The following CCDC198 variants were observed in gnomAD, a reference collection of about 807,000 sequenced individuals.
The protein encoded by CCDC198 is factor associated with metabolism and energy.
Under a neutral mutation model 35.6 loss-of-function variants are expected in CCDC198, and 18 were observed. The observed-to-expected ratio is 0.51, with a 90% confidence interval of 0.35 to 0.75. CCDC198 has a LOEUF of 0.75. Ranked by LOEUF, CCDC198 falls within the 30% of genes least tolerant of loss-of-function variation. The probability of loss-of-function intolerance (pLI) is 0.01; values close to 1 mark genes in which losing one functional copy is unlikely to be tolerated. For synonymous variants in CCDC198, 119 were observed against 113.4 expected (o/e 1.05, Z -0.31); for missense variants, 365 against 343.7 (o/e 1.06, Z -0.49).
chr14:57,493,709 G>A lies in CCDC198; in HGVS notation c.7C>T (p.Leu3=), dbSNP rs1336230525. 1 of 1,611,700 alleles carries A rather than the reference G, an allele frequency of 6.2e-7. No individual in the cohort carries two copies. Among genetic ancestry groups the A allele is most frequent in the South Asian group, 1.1e-5 (1 of 90,894 alleles). Residue 3 remains leucine (L), a synonymous_variant, in exon 1 of 6, where the codon CTG becomes TTG. Transcript: ENST00000216445. MG[L]SHSKTHLRVI... Reference sequence around the variant, plus strand: ...CTAAGGTGAGTCTTAGAGTGACTCAGGCCCATTTCATGTGAAAGACATTCA... The same window carrying A: ...CTAAGGTGAGTCTTAGAGTGACTCAAGCCCATTTCATGTGAAAGACATTCA...
intron 5 of CCDC198, among the ~76,000 whole-genome samples, chr14:57,472,914 G>T (rs1164442151): frequency 6.6e-6 from 1 of 152,132 alleles, no homozygotes; most frequent in Non-Finnish European, 1.5e-5. Context: ...TGGTTGAAAC[G>T]ACCATAACTT....
chr14:57,490,476 A>G (rs1317826684), intron 2 of CCDC198, among the ~76,000 whole-genome samples: 1 of 152,188 alleles, frequency 6.6e-6, no homozygotes, highest in Non-Finnish European at 1.5e-5. Context: ...GACAGTTAAG[A>G]GTACAGACTT....
At chr14:57,478,849 C>G in intron 5 of CCDC198, 1 of 1,140,698 alleles carries the variant, frequency 8.8e-7, no homozygotes, top group Non-Finnish European at 1.1e-6. Flanking sequence ...CAAGTAGGAG[C>G]AGTGTCTCTT....
At chr14:57,479,004 A>G in intron 5 of CCDC198, 1 of 1,289,326 alleles carries the variant, frequency 7.8e-7, no homozygotes, top group Non-Finnish European at 1.0e-6. Context: ...ACAATATTGG[A>G]AATTTCAACT....
chr14:57,483,279 G>A, intron 2 of CCDC198, 128 bp from the exon 3 acceptor site: 1 of 1,397,882 alleles, frequency 7.2e-7, no homozygotes, highest in Non-Finnish European at 9.8e-7. Flanking sequence ...ATACAGGAAA[G>A]GTGATTCTAA....
chr14:57,489,636 A>G (rs1217529451), intron 2 of CCDC198, among the ~76,000 whole-genome samples: 2 of 152,088 alleles, frequency 1.3e-5, no homozygotes, highest in Non-Finnish European at 1.5e-5. Flanking sequence ...GTGGTGGTGC[A>G]GTGTTTGACT....
At chr14:57,480,906 G>C (rs898352168) in intron 4 of CCDC198, 152 bp from the exon 5 acceptor site, 9 of 752,960 alleles carry the variant, frequency 1.2e-5, no homozygotes, top group East Asian at 1.0e-4. Context: ...CCTATTAGAA[G>C]GTATGGGAAC....
Position 57,471,557 on chromosome 14 carries a change from T to C in CCDC198, c.689A>G (p.Gln230Arg), listed in dbSNP as rs757423243. ...CCAGGGACAGTAGTTATTCACTGCT[T>C]GATGTTTCAAAAATTCTGTATTCTT... ...NSKNTEFLKH[Q>R]AVNNYCPWKI... Residue 230 changes from glutamine to arginine, a missense_variant, in exon 6 of 6, where the codon CAA becomes CGA. Coordinates refer to ENST00000216445, the MANE Select transcript of CCDC198 (RefSeq NM_018168.4). 3 of 1,600,108 alleles carry C rather than the reference T, an allele frequency of 1.9e-6. No individual in the cohort carries two copies. The highest frequency in any genetic ancestry group is 8.5e-7 in the Non-Finnish European group (1 of 1,173,628).
chr14:57,474,904 T>C (rs2139467859), intron 5 of CCDC198, among the ~76,000 whole-genome samples: 1 of 152,362 alleles, frequency 6.6e-6, no homozygotes, highest in African/African-American at 2.4e-5. Context: ...GTGTATTTTA[T>C]GTGTTTCAGA....
At chr14:57,491,104 C>G in intron 1 of CCDC198, 33 bp from the exon 2 acceptor site, 2 of 1,596,650 alleles carry the variant, frequency 1.3e-6, no homozygotes, top group Non-Finnish European at 1.7e-6. Context: ...AGGAATAAAA[C>G]ATTAAATATA....
intron 1 of CCDC198, among the ~76,000 whole-genome samples, chr14:57,491,513 A>G (rs1200700169): frequency 6.6e-6 from 1 of 152,154 alleles, no homozygotes; most frequent in Non-Finnish European, 1.5e-5. Context: ...TGATAGATAG[A>G]TAGGTGATTA....
intron 3 of CCDC198, 40 bp downstream of exon 3, chr14:57,483,025 C>A (rs2067239253): frequency 6.2e-7 from 1 of 1,613,378 alleles, no homozygotes; most frequent in Non-Finnish European, 8.5e-7. Context: ...TGTCGCCCAC[C>A]CCCAGTTCAC....
At chr14:57,473,479 C>A (rs1156833534) in intron 5 of CCDC198, among the ~76,000 whole-genome samples, 1 of 152,180 alleles carries the variant, frequency 6.6e-6, no homozygotes, top group Non-Finnish European at 1.5e-5. Flanking sequence ...CAGGAATCTA[C>A]CTGGCCTCCT....
At position 57,474,232 on chromosome 14, in the gene CCDC198, A is replaced by G. The variant is rs530988897; in HGVS notation, c.656-2642T>C. On this transcript the variant is annotated intron_variant, in intron 5 of 5. Transcript: ENST00000216445. ...GAACAAATAGATGAATAAATGAATA[A>G]ACAAATGAGCAATCAGAGAATTTTG... 5.3e-5 allele frequency among the ~76,000 whole-genome samples: 8 copies of G among 152,356 alleles called. 1 individual carries two copies. The highest frequency in any genetic ancestry group is 1.9e-4 in the African/African-American group (8 of 41,580).
At chr14:57,485,053 A>C (rs1335411986) in intron 2 of CCDC198, among the ~76,000 whole-genome samples, 1 of 152,210 alleles carries the variant, frequency 6.6e-6, no homozygotes, top group Non-Finnish European at 1.5e-5. Context: ...ATACCCTGTG[A>C]TGGGCAATCC....
In CCDC198 at chr14:57,493,721, G is replaced by T. The variant is rs747430586; in HGVS notation, c.-6C>A. 1 of 1,609,138 alleles carries T rather than the reference G, an allele frequency of 6.2e-7. No individual in the cohort carries two copies. The highest frequency in any genetic ancestry group is 8.5e-7 in the Non-Finnish European group (1 of 1,176,722). ...TTAGAGTGACTCAGGCCCATTTCAT[G>T]TGAAAGACATTCAGAGGAAAGCTGC... On this transcript the variant is annotated 5_prime_UTR_variant, in exon 1 of 6. Coordinates refer to ENST00000216445, the MANE Select transcript of CCDC198 (RefSeq NM_018168.4).
chr14:57,476,913 A>G (rs1197776753), intron 5 of CCDC198, among the ~76,000 whole-genome samples: 1 of 152,238 alleles, frequency 6.6e-6, no homozygotes, highest in Non-Finnish European at 1.5e-5. Flanking sequence ...CTCTCTGGGA[A>G]TAAGCAAAAA....
chr14:57,472,822 C>A (rs1322536275), intron 5 of CCDC198, among the ~76,000 whole-genome samples: 1 of 152,144 alleles, frequency 6.6e-6, no homozygotes, highest in African/African-American at 2.4e-5. Flanking sequence ...GGAAAGCTGG[C>A]TTTTAAGAAA....
chr14:57,476,932 C>T (rs928073622), intron 5 of CCDC198, among the ~76,000 whole-genome samples: 3 of 152,202 alleles, frequency 2.0e-5, no homozygotes, highest in Non-Finnish European at 4.4e-5. Flanking sequence ...AAGGAATCAT[C>T]GCTAGGACAA....
Sources: gnomAD v4.1 joint callset for allele counts (sites outside exome capture counted in the v4.1 genomes callset) on GRCh38, gnomAD v4.1.1 for gene constraint, MANE v1.5 for transcripts, NCBI Gene and HGNC (gene_info 2026-07-23, HGNC 2026-07-21) for gene names.